NLGN4Y: variants seen among roughly 807,000 people sequenced by gnomAD.
The protein encoded by NLGN4Y is neuroligin 4 Y-linked, also known as neuroligin-4, Y-linked.
A neutral mutation model predicts 8.4 loss-of-function variants in NLGN4Y; 4 were observed. The observed-to-expected ratio is 0.48, with a 90% CI of 0.23 to 1.09. The LOEUF (loss-of-function observed/expected upper bound fraction) is 1.09. Among genes scored for constraint, NLGN4Y ranks in the 50% least tolerant of loss-of-function variants. NLGN4Y has a pLI of 0.19. For synonymous variants in NLGN4Y, 35 were observed against 75.6 expected (o/e 0.46, Z 2.78); for missense variants, 90 against 192.3 (o/e 0.47, Z 3.15).
At chrY:14,807,484 C>T (rs777039532) in intron 4 of NLGN4Y, among the ~76,000 whole-genome samples, 35 of 30,959 alleles carry the variant, frequency 1.1e-3, no homozygotes, top group South Asian at 7.4e-3. Flanking sequence ...ACTTTCAATT[C>T]AAGTGTTTTA....
chrY:14,702,560 A>C, intron 2 of NLGN4Y, among the ~76,000 whole-genome samples: 1 of 33,266 alleles, frequency 3.0e-5, no homozygotes, highest in South Asian at 7.0e-4. Context: ...CCAGGCTATC[A>C]TTGTTGGACA....
intron 4 of NLGN4Y, among the ~76,000 whole-genome samples, chrY:14,801,800 G>A (rs2043033966): frequency 3.1e-5 from 1 of 32,531 alleles, no homozygotes; most frequent in African/African-American, 1.2e-4. Context: ...TCCATTACGT[G>A]TGGCGGTACC....
At chrY:14,645,748 C>A in intron 2 of NLGN4Y, among the ~76,000 whole-genome samples, 1 of 33,407 alleles carries the variant, frequency 3.0e-5, no homozygotes, top group Non-Finnish European at 7.4e-5. Context: ...AGAACATAAT[C>A]AATCAAAAGA....
At chrY:14,835,341 G>A in intron 6 of NLGN4Y, among the ~76,000 whole-genome samples, 2 of 22,182 alleles carry the variant, frequency 9.0e-5, no homozygotes, top group Non-Finnish European at 2.1e-4. Flanking sequence ...GAGGAAGGAG[G>A]GAGGAGGGGT....
chrY:14,598,162 C>G (rs2150496369), intron 1 of NLGN4Y, among the ~76,000 whole-genome samples: 3 of 35,094 alleles, frequency 8.5e-5, no homozygotes, highest in South Asian at 6.2e-4. Flanking sequence ...TGGGGCTACA[C>G]GTGGAGCTGA....
At chrY:14,593,590 G>A in intron 1 of NLGN4Y, among the ~76,000 whole-genome samples, 1 of 33,349 alleles carries the variant, frequency 3.0e-5, no homozygotes, top group Non-Finnish European at 7.4e-5. Context: ...TTCAGTCCGG[G>A]AATACTGGGG....
intron 1 of NLGN4Y, among the ~76,000 whole-genome samples, chrY:14,610,267 T>A (rs943092296): frequency 6.1e-5 from 2 of 32,723 alleles, no homozygotes; most frequent in Admixed American, 5.7e-4. Flanking sequence ...TGTTTACTCT[T>A]GCTTGAATAG....
chrY:14,717,646 G>T (rs2080920582), intron 2 of NLGN4Y, among the ~76,000 whole-genome samples: 2 of 33,484 alleles, frequency 6.0e-5, no homozygotes, highest in Admixed American at 2.7e-4. Flanking sequence ...CAACAAAAAA[G>T]ATATTAGCAA....
At chrY:14,836,125 G>A in intron 6 of NLGN4Y, among the ~76,000 whole-genome samples, 2 of 33,395 alleles carry the variant, frequency 6.0e-5, no homozygotes, top group African/African-American at 2.3e-4. Context: ...CTGTGCCTGA[G>A]GGGGATTCTC....
chrY:14,591,648 A>G, intron 1 of NLGN4Y, among the ~76,000 whole-genome samples: 1 of 33,267 alleles, frequency 3.0e-5, no homozygotes, highest in Non-Finnish European at 7.4e-5. Flanking sequence ...TACTATGATC[A>G]TTTGGAGCTT....
intron 2 of NLGN4Y, among the ~76,000 whole-genome samples, chrY:14,697,315 T>C (rs916558406): frequency 3.2e-5 from 1 of 30,853 alleles, no homozygotes; most frequent in Non-Finnish European, 7.8e-5. Flanking sequence ...AGCTAGGTGA[T>C]ATATGTATAT....
chrY:14,737,678 A>G, intron 4 of NLGN4Y, among the ~76,000 whole-genome samples: 2 of 33,049 alleles, frequency 6.1e-5, no homozygotes, highest in African/African-American at 1.2e-4. Flanking sequence ...CATTGTTTAC[A>G]GGGGTGAACA....
At chrY:14,595,193 C>G in intron 1 of NLGN4Y, among the ~76,000 whole-genome samples, 1 of 32,793 alleles carries the variant, frequency 3.0e-5, no homozygotes, top group Non-Finnish European at 7.5e-5. Context: ...GACATATACC[C>G]GGGTTGGGCC....
chrY:14,741,028 G>A, intron 4 of NLGN4Y, among the ~76,000 whole-genome samples: 1 of 32,723 alleles, frequency 3.1e-5, no homozygotes, highest in East Asian at 8.0e-4. Context: ...CTCAGCCTCT[G>A]GAGTAGCTAT....
chrY:14,540,567 C>G, intron 1 of NLGN4Y, among the ~76,000 whole-genome samples: 1 of 33,462 alleles, frequency 3.0e-5, no homozygotes, highest in Non-Finnish European at 7.4e-5. Context: ...ACACCTCATA[C>G]AGGAGAGCTC....
At chrY:14,791,145 T>G (rs756846450) in intron 4 of NLGN4Y, among the ~76,000 whole-genome samples, 17 of 33,394 alleles carry the variant, frequency 5.1e-4, no homozygotes, top group Non-Finnish European at 1.0e-3. Context: ...CAGCAGTGTT[T>G]TACCTCTAAA....
chrY:14,569,245 C>T, intron 1 of NLGN4Y, among the ~76,000 whole-genome samples: 1 of 32,546 alleles, frequency 3.1e-5, no homozygotes, highest in Admixed American at 2.9e-4. Context: ...AGCATAGTGG[C>T]CACTAGCTAG....
At chrY:14,789,860 A>G in intron 4 of NLGN4Y, among the ~76,000 whole-genome samples, 1 of 33,677 alleles carries the variant, frequency 3.0e-5, no homozygotes. Flanking sequence ...TCAGTATTTA[A>G]ATGCTAACTT....
In NLGN4Y at chrY:14,824,074, A is replaced by G. The variant is rs910722744; in HGVS notation, c.686-114A>G. 7 of 233,104 alleles carry G rather than the reference A, an allele frequency of 3.0e-5. No homozygotes were observed. In the Admixed American group the frequency reaches 3.7e-4, roughly 12 times the overall value. The allele number at this position is 233,104 out of a possible 400,897, so 58.1% of individuals were successfully genotyped here. A position where few individuals can be genotyped will look rare whatever the true frequency, so the allele number is the denominator to read the frequency against. ...CAGTTTTTCCTCTAATTTGTGGGGGACAGGGTTGTGGAGAGAGAGAATGAA... is the reference window on the plus strand; with the variant it reads ...CAGTTTTTCCTCTAATTTGTGGGGGGCAGGGTTGTGGAGAGAGAGAATGAA... On this transcript the variant is annotated intron_variant, in intron 4 of 6. Coordinates refer to ENST00000684976, the MANE Select transcript of NLGN4Y (RefSeq NM_001365588.1).
Sources: gnomAD v4.1 joint callset for allele counts (sites outside exome capture counted in the v4.1 genomes callset) on GRCh38, gnomAD v4.1.1 for gene constraint, MANE v1.5 for transcripts, NCBI Gene and HGNC (gene_info 2026-07-23, HGNC 2026-07-21) for gene names.